SRP54: variants seen among roughly 807,000 people sequenced by gnomAD.
SRP54 encodes signal recognition particle subunit SRP54.
SRP54 carries 10 observed loss-of-function variants against 64.8 expected under a neutral mutation model. The ratio of observed to expected loss-of-function variants is 0.15; its 90% CI spans 0.10 to 0.26. The LOEUF (loss-of-function observed/expected upper bound fraction) is 0.26. Among genes scored for constraint, SRP54 ranks in the 10% least tolerant of loss-of-function variants. The pLI, the probability that SRP54 is intolerant of heterozygous loss-of-function variation, is 1.00. For missense variants in SRP54, 325 were observed against 613.7 expected, an observed-to-expected ratio of 0.53 and a Z score of 4.97; for synonymous variants, 193 against 185.6, an observed-to-expected ratio of 1.04 and a Z score of -0.32.
Position 34,984,908 on chromosome 14 carries a change from CTT to C in SRP54, c.-34+1708_-34+1709del, listed in dbSNP as rs34789836. ...AACCAAATGCACTGTCTTCACCTTC[CTT>C]TTTTTTTTTTTTTTCACTATGACAT... On this transcript the variant is annotated intron_variant, in intron 1 of 15. Transcript: ENST00000216774. Among the ~76,000 whole-genome samples, 1,017 of 141,476 alleles carry C rather than the reference CTT, an allele frequency of 7.2e-3. 5 individuals are homozygous for C. Among genetic ancestry groups the C allele is most frequent in the African/African-American group, 0.012 (461 of 38,278 alleles). 92.8% of individuals were successfully genotyped at this position (141,476 alleles called of 152,430 possible).
chr14:35,015,766 T>G (rs1191746655), intron 11 of SRP54, among the ~76,000 whole-genome samples: 5 of 152,230 alleles, frequency 3.3e-5, no homozygotes, highest in East Asian at 1.9e-4. Context: ...CCTCTTTGCT[T>G]CTTCTCACTC....
intron 1 of SRP54, among the ~76,000 whole-genome samples, chr14:34,988,578 A>AAAAAAATATATATATAT (rs1384552218): frequency 2.1e-5 from 1 of 47,102 alleles, no homozygotes; most frequent in South Asian, 6.8e-4. Flanking sequence ...AAAAAAAAAA[A>AAAAAAATATATATATAT]ATATATATAT....
At chr14:35,025,151 C>A (rs1482370718) in intron 14 of SRP54, among the ~76,000 whole-genome samples, 1 of 152,090 alleles carries the variant, frequency 6.6e-6, no homozygotes, top group African/African-American at 2.4e-5. Context: ...CTGTTCCAGT[C>A]CTCTTTTTGA....
chr14:34,999,487 C>G, intron 2 of SRP54, 71 bp from the exon 3 acceptor site: 1 of 1,158,302 alleles, frequency 8.6e-7, no homozygotes. Flanking sequence ...TGTAAGTGAT[C>G]AACAATTGTT....
Position 34,992,138 on chromosome 14 carries a change from G to GGTTTCGCC in SRP54, c.-33-4539_-33-4538insGTTTCGCC, listed in dbSNP as rs1341761754. Among the ~76,000 whole-genome samples the GGTTTCGCC allele has an allele frequency of 3.0e-3, 457 of 152,250 alleles. 3 individuals are homozygous for GGTTTCGCC. Among genetic ancestry groups the GGTTTCGCC allele is most frequent in the African/African-American group, 0.011 (442 of 41,562 alleles). ...AGTAGAGATGGGGTTTCGCCATGTT[G>GGTTTCGCC]ACCAGGCTGGCCTTGAACTCCTGAC... On this transcript the variant is annotated intron_variant, in intron 1 of 15. Transcript: ENST00000216774.
chr14:35,002,090 C>G (rs746091770), intron 4 of SRP54, among the ~76,000 whole-genome samples: 18 of 151,946 alleles, frequency 1.2e-4, no homozygotes, highest in Admixed American at 9.2e-4. Context: ...TGCAGTGGCT[C>G]ACATCTGTAA....
At chr14:35,007,917 A>G (rs2044293223) in intron 5 of SRP54, among the ~76,000 whole-genome samples, 2 of 147,278 alleles carry the variant, frequency 1.4e-5, no homozygotes, top group South Asian at 4.2e-4. Context: ...GTTTCTTATG[A>G]TTTTTTTTTT....
intron 7 of SRP54, among the ~76,000 whole-genome samples, chr14:35,010,498 G>A (rs371206637): frequency 1.3e-5 from 2 of 151,992 alleles, no homozygotes; most frequent in South Asian, 4.1e-4. Flanking sequence ...CAGGCATGAT[G>A]GCTCATGCAT....
At chr14:34,998,776 G>T (rs2044112917) in intron 2 of SRP54, among the ~76,000 whole-genome samples, 1 of 151,064 alleles carries the variant, frequency 6.6e-6, no homozygotes, top group Non-Finnish European at 1.5e-5. Context: ...TCACGCCATT[G>T]CACTCCAGCC....
chr14:34,987,837 A>T (rs1409784573), intron 1 of SRP54, among the ~76,000 whole-genome samples: 1 of 152,194 alleles, frequency 6.6e-6, no homozygotes, highest in African/African-American at 2.4e-5. Flanking sequence ...GACTGTGTTT[A>T]ACAAAATATG....
intron 1 of SRP54, among the ~76,000 whole-genome samples, chr14:34,993,839 G>T (rs1420255336): frequency 6.6e-6 from 1 of 151,988 alleles, no homozygotes; most frequent in Non-Finnish European, 1.5e-5. Context: ...GGCATTACAG[G>T]CATGTGCCAC....
chr14:35,027,026 C>CTTT (rs368696128), intron 14 of SRP54, among the ~76,000 whole-genome samples: 8 of 135,046 alleles, frequency 5.9e-5, no homozygotes, highest in East Asian at 2.2e-4. Context: ...TTTCTACTTT[C>CTTT]TTTTTTTTTT....
chr14:35,016,949 G>T (rs1386559206), intron 11 of SRP54, among the ~76,000 whole-genome samples: 3 of 148,048 alleles, frequency 2.0e-5, no homozygotes, highest in African/African-American at 7.5e-5. Flanking sequence ...CCGCCTCCCA[G>T]TTTGAAGCAG....
intron 1 of SRP54, among the ~76,000 whole-genome samples, chr14:34,996,011 G>A (rs1314779331): frequency 1.3e-5 from 2 of 150,030 alleles, no homozygotes; most frequent in African/African-American, 4.9e-5. Context: ...GCTGCAGTCA[G>A]CTGTGATCAC....
intron 15 of SRP54, among the ~76,000 whole-genome samples, chr14:35,028,621 A>G (rs1018562353): frequency 1.3e-5 from 2 of 152,246 alleles, no homozygotes; most frequent in Admixed American, 6.5e-5. Context: ...GATAATATAT[A>G]TGAAGACATT....
chr14:34,996,462 A>G (rs1443072219), intron 1 of SRP54, among the ~76,000 whole-genome samples: 6 of 152,224 alleles, frequency 3.9e-5, no homozygotes, highest in Admixed American at 2.0e-4. Context: ...TGATTCATAT[A>G]CAAGATTCCA....
chr14:34,984,451 C>T (rs192344053), intron 1 of SRP54, among the ~76,000 whole-genome samples: 60 of 152,302 alleles, frequency 3.9e-4, no homozygotes, highest in African/African-American at 1.4e-3. Context: ...CGCTTGCTTC[C>T]ATGGCATTGT....
At chr14:35,028,315 G>A (rs1236808531) in intron 15 of SRP54, 132 bp downstream of exon 15, 2 of 556,916 alleles carry the variant, frequency 3.6e-6, no homozygotes, top group African/African-American at 1.9e-5. Context: ...ATGGTCATCT[G>A]AATCCTAAGT....
At position 34,982,994 on chromosome 14, in the gene SRP54, T is replaced by G. The variant is rs942429145; in HGVS notation, c.-255T>G. The G allele has an allele frequency of 1.3e-5, 2 of 152,272 alleles. No individual in the cohort carries two copies. Among genetic ancestry groups the G allele is most frequent in the Admixed American group, 1.3e-4 (2 of 15,282 alleles). 9.4% of individuals were successfully genotyped at this position (152,272 alleles called of 1,614,324 possible). On this transcript the variant is annotated 5_prime_UTR_variant, in exon 1 of 16. The change creates a new upstream start codon in the 5' untranslated region. Transcript: ENST00000216774. ...ACGCGGAGTGGTGACGTTTCCTCAT[T>G]GGGCGGAAGGTTCGCTGGCACTCCG...
Sources: gnomAD v4.1 joint callset for allele counts (sites outside exome capture counted in the v4.1 genomes callset) on GRCh38, gnomAD v4.1.1 for gene constraint, MANE v1.5 for transcripts, NCBI Gene and HGNC (gene_info 2026-07-23, HGNC 2026-07-21) for gene names.